SAMD14: variants seen among roughly 807,000 people sequenced by gnomAD.
SAMD14 encodes the protein sterile alpha motif domain containing 14.
SAMD14 carries 27 observed loss-of-function variants against 46.2 expected under a neutral mutation model. The observed-to-expected ratio is 0.58, with a 90% CI of 0.43 to 0.81. The LOEUF (loss-of-function observed/expected upper bound fraction) is 0.81. Among genes scored for constraint, SAMD14 ranks in the 30% least tolerant of loss-of-function variants. SAMD14 has a pLI of 0.00. For synonymous variants in SAMD14, 241 were observed against 254.3 expected (o/e 0.95, Z 0.50); for missense variants, 559 against 582.2 (o/e 0.96, Z 0.41).
rs180763341 is a variant in SAMD14, at chr17:50,123,693, T to G, written c.43+1224A>C. 29 of 191,158 alleles carry G rather than the reference T, an allele frequency of 1.5e-4. No individual in the cohort carries two copies. The East Asian group carries it at 3.9e-3, about 25-fold the overall frequency. The allele number at this position is 191,158 out of a possible 1,614,324, so 11.8% of individuals were successfully genotyped here. A position where few individuals can be genotyped will look rare whatever the true frequency, so the allele number is the denominator to read the frequency against. On this transcript the variant is annotated intron_variant, in intron 2 of 9. Transcript: ENST00000330175. ...TTCCCTATCCTCCTCCCCCTCTTCCTGCTCCTCCCAGCCCTGGGCAGTGGG... is the reference window on the plus strand; with the variant it reads ...TTCCCTATCCTCCTCCCCCTCTTCCGGCTCCTCCCAGCCCTGGGCAGTGGG...
At position 50,115,948 on chromosome 17, in the gene SAMD14, C is replaced by T. The variant is rs200728663; in HGVS notation, c.588-44G>A. On this transcript the variant is annotated intron_variant, in intron 5 of 9. Transcript: ENST00000330175. The surrounding 1 kb of genome is among the most constrained non-coding windows in gnomAD (Gnocchi z 5.3). ...AAGTGGGGCAGGGCTGCCCACTGTG[C>T]TACCCCTTACCCCAGCAGCTCCAAG... The T allele has an allele frequency of 7.1e-5, 115 of 1,613,260 alleles. No individual in the cohort carries two copies. In the African/African-American group the frequency reaches 1.3e-3, roughly 18 times the overall value.
At chr17:50,119,206 A>G (rs1324160451) in intron 2 of SAMD14, among the ~76,000 whole-genome samples, 1 of 152,206 alleles carries the variant, frequency 6.6e-6, no homozygotes, top group East Asian at 1.9e-4. Context: ...GCATGAGGAC[A>G]TGGAGGAAGA....
chr17:50,116,404 T>A, intron 4 of SAMD14: 1 of 136,238 alleles, frequency 7.3e-6, no homozygotes, highest in Non-Finnish European at 1.5e-5. Context: ...GGCCAACTTT[T>A]TTTTTTTTTT....
At chr17:50,126,587 G>A (rs1911785295) in intron 1 of SAMD14, among the ~76,000 whole-genome samples, 1 of 151,988 alleles carries the variant, frequency 6.6e-6, no homozygotes, top group African/African-American at 2.4e-5. Flanking sequence ...TTACAGGCGT[G>A]AGCCACCGCG....
At chr17:50,114,400 G>T in intron 7 of SAMD14, 94 bp from the exon 8 acceptor site, 1 of 1,613,974 alleles carries the variant, frequency 6.2e-7, no homozygotes, top group Non-Finnish European at 8.5e-7. Flanking sequence ...TAGGCACCAG[G>T]AGTTGCTCAG....
At position 50,110,585 on chromosome 17, in the gene SAMD14, T is replaced by TA. The variant is rs1397515859; in HGVS notation, c.*2307dup. 1.3e-5 allele frequency: 2 copies of TA among 152,426 alleles called. No homozygotes were observed. Among genetic ancestry groups the TA allele is most frequent in the Middle Eastern group, 3.2e-3 (1 of 316 alleles). 9.4% of individuals were successfully genotyped at this position (152,426 alleles called of 1,614,324 possible). Reference sequence around the variant, plus strand: ...CTGGGGACTGAGTGGGGAAAGGAGTTACACCCGTGAGTGGGGAATGAGGCT... The same window carrying TA: ...CTGGGGACTGAGTGGGGAAAGGAGTTAACACCCGTGAGTGGGGAATGAGGCT... On this transcript the variant is annotated 3_prime_UTR_variant, in exon 10 of 10. Transcript: ENST00000330175.
intron 2 of SAMD14, among the ~76,000 whole-genome samples, chr17:50,122,435 C>T (rs1370998937): frequency 6.6e-6 from 1 of 152,106 alleles, no homozygotes; most frequent in Non-Finnish European, 1.5e-5. Context: ...CACCTCCATG[C>T]CCATGCCCAC....
At chr17:50,116,255 G>T (rs1911193739) in intron 4 of SAMD14, 165 bp from the exon 5 acceptor site, 1 of 1,045,898 alleles carries the variant, frequency 9.6e-7, no homozygotes, top group Non-Finnish European at 1.3e-6. Flanking sequence ...TACCTCTCTG[G>T]CCTTCCTCCA....
chr17:50,116,129 G>T (rs1294925343), intron 4 of SAMD14, 39 bp from the exon 5 acceptor site: 2 of 1,581,332 alleles, frequency 1.3e-6, no homozygotes, highest in Non-Finnish European at 1.7e-6. Context: ...CCTGTTTGCT[G>T]CCCTGCCTGC....
rs567759363 is a variant in SAMD14 at position 50,111,436 on chromosome 17, T to C, written c.*1457A>G. 6.6e-6 allele frequency: 1 copy of C among 152,396 alleles called. No homozygotes were observed. The highest frequency in any genetic ancestry group is 2.1e-4 in the South Asian group (1 of 4,828). The allele number at this position is 152,396 out of a possible 1,614,324, so 9.4% of individuals were successfully genotyped here. On this transcript the variant is annotated 3_prime_UTR_variant, in exon 10 of 10. Transcript: ENST00000330175. Reference sequence around the variant, plus strand: ...GATGTGGGTGCCTTCCAACCTCCCATGGCCCTGCCACCAGGCCCAGATGGT... The same window carrying C: ...GATGTGGGTGCCTTCCAACCTCCCACGGCCCTGCCACCAGGCCCAGATGGT...
chr17:50,120,924 T>C (rs561666522), intron 2 of SAMD14, among the ~76,000 whole-genome samples: 1 of 152,268 alleles, frequency 6.6e-6, no homozygotes, highest in South Asian at 2.1e-4. Context: ...CATTTCTCAT[T>C]CTCTGGCATG....
At chr17:50,124,831 C>A in intron 2 of SAMD14, 86 bp downstream of exon 2, 1 of 1,344,204 alleles carries the variant, frequency 7.4e-7, no homozygotes, top group Admixed American at 1.7e-5. Context: ...AAGAAGCACC[C>A]TATCCCCTTC....
intron 2 of SAMD14, among the ~76,000 whole-genome samples, chr17:50,118,548 C>G (rs1172788817): frequency 6.6e-6 from 1 of 152,182 alleles, no homozygotes; most frequent in Non-Finnish European, 1.5e-5. Flanking sequence ...AATACAGCGC[C>G]GTGTGATGAA....
intron 3 of SAMD14, 42 bp downstream of exon 3, chr17:50,118,119 G>A (rs1235165647): frequency 1.3e-6 from 2 of 1,528,414 alleles, no homozygotes; most frequent in Non-Finnish European, 1.8e-6. Context: ...AGGAGAGGGA[G>A]GGGTGGGAGG....
In SAMD14 at chr17:50,110,285, G is replaced by A; in HGVS notation, c.*2608C>T. 1 of 538,134 alleles carries A rather than the reference G, an allele frequency of 1.9e-6. No individual in the cohort carries two copies. Among genetic ancestry groups the A allele is most frequent in the East Asian group, 3.4e-5 (1 of 29,700 alleles). 33.3% of individuals were successfully genotyped at this position (538,134 alleles called of 1,614,324 possible). The stretch of plus-strand genomic sequence containing the variant: ...CTAAGTGCCAGTCCATCTCTGTGGA[G>A]ACCCCTCGGTGGCCTCCCTATCTCT... On this transcript the variant is annotated 3_prime_UTR_variant, in exon 10 of 10. Coordinates refer to ENST00000330175, the MANE Select transcript of SAMD14 (RefSeq NM_001257359.2).
chr17:50,117,747 G>T, intron 3 of SAMD14, 52 bp from the exon 4 acceptor site: 1 of 1,386,804 alleles, frequency 7.2e-7, no homozygotes, highest in Non-Finnish European at 9.3e-7. Context: ...CCTTCCCGGA[G>T]GAGCTGGGAG....
chr17:50,118,117 G>A, intron 3 of SAMD14, 44 bp downstream of exon 3: 2 of 1,513,608 alleles, frequency 1.3e-6, no homozygotes, highest in Middle Eastern at 4.8e-4. Context: ...GGAGGAGAGG[G>A]AGGGGTGGGA....
At chr17:50,114,556 G>A (rs2144393482) in intron 7 of SAMD14, 1 of 919,670 alleles carries the variant, frequency 1.1e-6, no homozygotes, top group East Asian at 2.7e-5. Flanking sequence ...AGGAATGGAG[G>A]CGGTCTCAGG....
intron 4 of SAMD14, 63 bp downstream of exon 4, chr17:50,117,344 G>A: frequency 7.9e-7 from 1 of 1,258,092 alleles, no homozygotes; most frequent in Non-Finnish European, 1.0e-6. Context: ...TGCGCGCCGG[G>A]ACCGGGAGGG....
Sources: allele counts gnomAD v4.1 joint callset (sites outside exome capture counted in the v4.1 genomes callset), GRCh38; gene constraint gnomAD v4.1.1; non-coding constraint Gnocchi (gnomAD v3.1); transcripts MANE v1.5; gene names NCBI Gene and HGNC (gene_info 2026-07-23, HGNC 2026-07-21).